FEZ1: variants seen among roughly 807,000 people sequenced by gnomAD.
The protein encoded by FEZ1 is fasciculation and elongation protein zeta 1, also known as fasciculation and elongation protein zeta-1.
A neutral mutation model predicts 49.3 loss-of-function variants in FEZ1; 20 were observed. The observed-to-expected ratio is 0.41, with a 90% CI of 0.29 to 0.59. The LOEUF (loss-of-function observed/expected upper bound fraction) is 0.59, where lower values mean the gene tolerates loss of function less well. Ranked by LOEUF, FEZ1 falls within the 20% of genes least tolerant of loss-of-function variation. The probability of loss-of-function intolerance (pLI) is 0.36; values close to 1 mark genes in which losing one functional copy is unlikely to be tolerated. For missense variants in FEZ1, 413 were observed against 476.0 expected (o/e 0.87, Z 1.23); for synonymous variants, 170 against 180.9 (o/e 0.94, Z 0.48).
At chr11:125,483,237 G>A (rs1957300367) in intron 2 of FEZ1, among the ~76,000 whole-genome samples, 4 of 152,064 alleles carry the variant, frequency 2.6e-5, no homozygotes, top group Non-Finnish European at 1.5e-5. Flanking sequence ...TCAGGAATGC[G>A]ACGTGATATA....
At chr11:125,466,880 G>C (rs1432514781) in intron 3 of FEZ1, among the ~76,000 whole-genome samples, 1 of 151,996 alleles carries the variant, frequency 6.6e-6, no homozygotes, top group Non-Finnish European at 1.5e-5. Context: ...AATTTTTACA[G>C]CATATTTAGC....
intron 2 of FEZ1, among the ~76,000 whole-genome samples, chr11:125,485,014 G>A (rs547510236): frequency 1.3e-5 from 2 of 152,314 alleles, no homozygotes; most frequent in East Asian, 1.9e-4. Context: ...CCCCTTTTGT[G>A]AGTACCCGGA....
At chr11:125,470,731 AT>A (rs1957176343) in intron 3 of FEZ1, among the ~76,000 whole-genome samples, 1 of 152,232 alleles carries the variant, frequency 6.6e-6, no homozygotes, top group Non-Finnish European at 1.5e-5. Flanking sequence ...TATAAAAAGC[AT>A]TTTGGGTTGA....
chr11:125,466,153 G>C (rs142806973), intron 3 of FEZ1, among the ~76,000 whole-genome samples: 15 of 152,240 alleles, frequency 9.9e-5, no homozygotes, highest in African/African-American at 3.4e-4. Context: ...CTTCAGGCCA[G>C]GTCATTTAGG....
At chr11:125,480,335 G>A (rs1234921525) in intron 3 of FEZ1, among the ~76,000 whole-genome samples, 3 of 152,102 alleles carry the variant, frequency 2.0e-5, no homozygotes, top group Middle Eastern at 3.4e-3. Flanking sequence ...GTAGTGAGCC[G>A]AGACTGTGCC....
chr11:125,457,465 T>TATATATATATATATACAC, intron 5 of FEZ1, among the ~76,000 whole-genome samples: 1 of 41,622 alleles, frequency 2.4e-5, no homozygotes, highest in East Asian at 1.1e-3. Flanking sequence ...TATATACACA[T>TATATATATATATATACAC]ATATATGTAT....
chr11:125,461,990 G>C (rs1957079851), intron 4 of FEZ1, among the ~76,000 whole-genome samples: 1 of 152,182 alleles, frequency 6.6e-6, no homozygotes, highest in African/African-American at 2.4e-5. Context: ...TCTCTAAGAG[G>C]AGTTATAATT....
At chr11:125,492,584 G>A (rs191455962) in intron 1 of FEZ1, among the ~76,000 whole-genome samples, 48 of 152,296 alleles carry the variant, frequency 3.2e-4, no homozygotes, top group Admixed American at 1.8e-3. Context: ...ACTCTGTGAT[G>A]GCTAAGAGCA....
chr11:125,476,740 C>T (rs1006945211), intron 3 of FEZ1, among the ~76,000 whole-genome samples: 2 of 152,124 alleles, frequency 1.3e-5, no homozygotes, highest in East Asian at 1.9e-4. Flanking sequence ...TTTCTCAACA[C>T]GACCTAATGC....
chr11:125,443,587 AG>A lies in FEZ1; in HGVS notation c.*2507del, dbSNP rs1385911054. Among the ~76,000 whole-genome samples the A allele has an allele frequency of 6.6e-6, 1 of 152,218 alleles. No homozygotes were observed. The highest frequency in any genetic ancestry group is 1.9e-4 in the East Asian group (1 of 5,198). ...CTTGTTAAAATGCAAATTCTGACTT[AG>A]TAGGCCTGATGTGGGGCCTGAGATT... On this transcript the variant is annotated 3_prime_UTR_variant, in exon 10 of 10. Transcript: ENST00000278919.
chr11:125,487,167 C>A (rs911697532), intron 2 of FEZ1, among the ~76,000 whole-genome samples: 2 of 152,138 alleles, frequency 1.3e-5, no homozygotes, highest in African/African-American at 2.4e-5. Flanking sequence ...GCTCATTGGG[C>A]CTTCATCCTT....
At chr11:125,466,561 T>C (rs1447110188) in intron 3 of FEZ1, among the ~76,000 whole-genome samples, 1 of 152,170 alleles carries the variant, frequency 6.6e-6, no homozygotes, top group East Asian at 1.9e-4. Flanking sequence ...AAGTCATTCT[T>C]CCAAATGATT....
chr11:125,464,503 T>C (rs769485574), intron 3 of FEZ1, among the ~76,000 whole-genome samples: 44 of 152,202 alleles, frequency 2.9e-4, no homozygotes, highest in Non-Finnish European at 4.4e-4. Context: ...GAATCCTCCT[T>C]GCGCTCCAGT....
Position 125,495,408 on chromosome 11 carries a change from C to T in FEZ1, c.-46+713G>A, listed in dbSNP as rs1193784899. On this transcript the variant is annotated intron_variant, in intron 1 of 9. Transcript: ENST00000278919. The surrounding 1 kb of genome is among the most constrained non-coding windows in gnomAD (Gnocchi z 4.2). The stretch of plus-strand genomic sequence containing the variant: ...GATACCTCCTCGACGCCGTCAAACA[C>T]TGCTCCCCGCATTCCAGAGCCCGGG... 1 of 470,864 alleles carries T rather than the reference C, an allele frequency of 2.1e-6. No individual in the cohort carries two copies. The highest frequency in any genetic ancestry group is 1.5e-5 in the South Asian group (1 of 64,520). The allele number at this position is 470,864 out of a possible 1,614,324, so 29.2% of individuals were successfully genotyped here. A position where few individuals can be genotyped will look rare whatever the true frequency, so the allele number is the denominator to read the frequency against.
In FEZ1 at chr11:125,443,425, A is replaced by C. The variant is rs1956871818; in HGVS notation, c.*2670T>G. Among the ~76,000 whole-genome samples, 1 of 152,262 alleles carries C rather than the reference A, an allele frequency of 6.6e-6. No individual in the cohort carries two copies. Among genetic ancestry groups the C allele is most frequent in the South Asian group, 2.1e-4 (1 of 4,830 alleles). The stretch of plus-strand genomic sequence containing the variant: ...TTCAGCAACTCTGAAAACCTAGGGC[A>C]GAGTTTCTCTAATCCTTGATGCAAA... On this transcript the variant is annotated 3_prime_UTR_variant, in exon 10 of 10. Transcript: ENST00000278919.
intron 5 of FEZ1, among the ~76,000 whole-genome samples, chr11:125,459,236 T>C (rs1957049249): frequency 6.6e-6 from 1 of 152,204 alleles, no homozygotes; most frequent in African/African-American, 2.4e-5. Context: ...GTCTTTGCAG[T>C]CTCTTCAGAG....
In FEZ1 at chr11:125,481,567, G is replaced by C. The variant is rs753505394; in HGVS notation, c.378C>G (p.Ile126Met). The change falls in exon 3 of 10, where the codon ATC becomes ATG. Residue 126 changes from isoleucine to methionine, a missense_variant. Transcript: ENST00000278919. ...CAGAGCAGTTGCCATTCAGAGCCTC[G>C]ATGTTTGGATCCCTCCAGTCTTCTG... Reference protein sequence around the residue: ...SLSEDWRDPNIEALNGNCSDT... With the variant: ...SLSEDWRDPNMEALNGNCSDT... 3 of 1,613,098 alleles carry C rather than the reference G, an allele frequency of 1.9e-6. No individual in the cohort carries two copies. The highest frequency in any genetic ancestry group is 2.7e-5 in the African/African-American group (2 of 75,006).
At chr11:125,458,778 T>C (rs952035888) in intron 5 of FEZ1, among the ~76,000 whole-genome samples, 1 of 152,212 alleles carries the variant, frequency 6.6e-6, no homozygotes, top group Non-Finnish European at 1.5e-5. Context: ...CTTTGAAATA[T>C]AATCATCGGG....
chr11:125,458,187 T>G (rs1387400521), intron 5 of FEZ1, among the ~76,000 whole-genome samples: 1 of 152,160 alleles, frequency 6.6e-6, no homozygotes, highest in Non-Finnish European at 1.5e-5. Context: ...CTGCCTCTGC[T>G]TTCACCACTT....
Sources: gnomAD v4.1 joint callset for allele counts (sites outside exome capture counted in the v4.1 genomes callset) on GRCh38, gnomAD v4.1.1 for gene constraint, Gnocchi (gnomAD v3.1) non-coding constraint, MANE v1.5 for transcripts, NCBI Gene and HGNC (gene_info 2026-07-23, HGNC 2026-07-21) for gene names.